TMCC1: variants seen among roughly 807,000 people sequenced by gnomAD.
TMCC1 encodes transmembrane and coiled-coil domain family 1.
TMCC1 carries 15 observed loss-of-function variants against 52.4 expected under a neutral mutation model. That is an observed-to-expected ratio of 0.29 (90% CI 0.19 to 0.44). The LOEUF (loss-of-function observed/expected upper bound fraction) is 0.44, where lower values mean the gene tolerates loss of function less well. TMCC1 is among the 20% of genes least tolerant of loss of function. The pLI, the probability that TMCC1 is intolerant of heterozygous loss-of-function variation, is 1.00. For missense variants in TMCC1, 503 were observed against 806.0 expected, an observed-to-expected ratio of 0.62 and a Z score of 4.55; for synonymous variants, 279 against 301.9, an observed-to-expected ratio of 0.92 and a Z score of 0.79.
chr3:129,683,838 T>C (rs576308732), intron 4 of TMCC1, among the ~76,000 whole-genome samples: 11 of 152,342 alleles, frequency 7.2e-5, no homozygotes, highest in African/African-American at 2.4e-4. Flanking sequence ...CAGCTTATTG[T>C]TCAGACTCCT....
At chr3:129,830,111 C>T (rs1182336636) in intron 3 of TMCC1, among the ~76,000 whole-genome samples, 1 of 152,162 alleles carries the variant, frequency 6.6e-6, no homozygotes, top group Non-Finnish European at 1.5e-5. Context: ...GTTTCATTGC[C>T]TTTCACCCAA....
At chr3:129,680,971 C>T (rs1272986834) in intron 4 of TMCC1, among the ~76,000 whole-genome samples, 2 of 151,746 alleles carry the variant, frequency 1.3e-5, no homozygotes. Context: ...ATCCTTTCTC[C>T]TAAAATTTAT....
At chr3:129,791,398 C>T (rs558227928) in intron 4 of TMCC1, among the ~76,000 whole-genome samples, 24 of 152,070 alleles carry the variant, frequency 1.6e-4, no homozygotes, top group East Asian at 1.4e-3. Flanking sequence ...CGGCCAGACA[C>T]ACCAGAAATT....
rs2050814348 is a variant in TMCC1, at chr3:129,734,802, GTTTGAAAAGCTTGGT to G, written c.577-63553_577-63539del. The stretch of plus-strand genomic sequence containing the variant: ...GTACACAAAAAAATGAAAGTACCAA[GTTTGAAAAGCTTGGT>G]AATTGTGCTTGAGTGTTTGTTGTTA... On this transcript the variant is annotated intron_variant, in intron 4 of 6. Transcript: ENST00000393238. 2.0e-5 allele frequency among the ~76,000 whole-genome samples: 3 copies of G among 152,120 alleles called. No individual in the cohort carries two copies. The South Asian group carries it at 6.2e-4, about 32-fold the overall frequency.
At chr3:129,763,059 G>A (rs1364088924) in intron 4 of TMCC1, among the ~76,000 whole-genome samples, 7 of 151,500 alleles carry the variant, frequency 4.6e-5, no homozygotes, top group African/African-American at 1.7e-4. Context: ...TTAGCCGGGC[G>A]TAGTAGCAGG....
At chr3:129,795,367 T>C (rs1409796372) in intron 4 of TMCC1, among the ~76,000 whole-genome samples, 1 of 152,216 alleles carries the variant, frequency 6.6e-6, no homozygotes, top group Non-Finnish European at 1.5e-5. Flanking sequence ...AACGTTTCAT[T>C]TAATGAAACT....
intron 4 of TMCC1, among the ~76,000 whole-genome samples, chr3:129,733,954 G>A (rs1355253659): frequency 6.6e-6 from 1 of 152,090 alleles, no homozygotes; most frequent in Non-Finnish European, 1.5e-5. Flanking sequence ...ACACACTACT[G>A]ATAGGAATAA....
At chr3:129,766,563 GTTAT>G (rs1486029968) in intron 4 of TMCC1, among the ~76,000 whole-genome samples, 1 of 152,088 alleles carries the variant, frequency 6.6e-6, no homozygotes, top group Non-Finnish European at 1.5e-5. Context: ...AAATCAAATG[GTTAT>G]TTAGATTGTA....
intron 4 of TMCC1, among the ~76,000 whole-genome samples, chr3:129,786,465 A>T (rs1242575861): frequency 6.6e-6 from 1 of 152,162 alleles, no homozygotes; most frequent in Non-Finnish European, 1.5e-5. Context: ...CCTAAGTCAT[A>T]TTCTTGAGAT....
intron 4 of TMCC1, chr3:129,688,841 G>T: frequency 1.5e-6 from 1 of 684,596 alleles, no homozygotes; most frequent in Non-Finnish European, 1.8e-6. Context: ...TGGATTTAAA[G>T]CTACAGGGTA....
At chr3:129,682,095 GAAATTATCTGAC>G (rs919366209) in intron 4 of TMCC1, among the ~76,000 whole-genome samples, 2 of 152,004 alleles carry the variant, frequency 1.3e-5, no homozygotes. Context: ...ATTTTGCACT[GAAATTATCTGAC>G]AAATTATCTG....
intron 4 of TMCC1, among the ~76,000 whole-genome samples, chr3:129,827,311 TCTA>T (rs1179439337): frequency 6.6e-6 from 1 of 152,208 alleles, no homozygotes; most frequent in Non-Finnish European, 1.5e-5. Context: ...ATGTATATGC[TCTA>T]CTGTGGCATG....
intron 4 of TMCC1, among the ~76,000 whole-genome samples, chr3:129,791,161 T>C (rs1250829111): frequency 6.6e-6 from 1 of 150,878 alleles, no homozygotes; most frequent in Non-Finnish European, 1.5e-5. Context: ...TGGTGCAATC[T>C]TGGCTCACTG....
chr3:129,760,489 TG>T, intron 4 of TMCC1, among the ~76,000 whole-genome samples: 1 of 144,254 alleles, frequency 6.9e-6, no homozygotes, highest in African/African-American at 2.9e-5. Flanking sequence ...TGTGTGTGTG[TG>T]TGTGTTTTTG....
chr3:129,775,158 T>C (rs1004354321), intron 4 of TMCC1, among the ~76,000 whole-genome samples: 2 of 151,922 alleles, frequency 1.3e-5, no homozygotes, highest in Admixed American at 6.6e-5. Context: ...AGATAAGAAA[T>C]TGAAGGCTGG....
chr3:129,856,159 A>G (rs1275129627), intron 2 of TMCC1, among the ~76,000 whole-genome samples: 5 of 152,226 alleles, frequency 3.3e-5, no homozygotes, highest in African/African-American at 4.8e-5. Flanking sequence ...AAAGTTTTAA[A>G]AAAATATTAG....
At chr3:129,754,235 G>T (rs1160814457) in intron 4 of TMCC1, among the ~76,000 whole-genome samples, 1 of 152,134 alleles carries the variant, frequency 6.6e-6, no homozygotes, top group Non-Finnish European at 1.5e-5. Flanking sequence ...AACCAAAGAA[G>T]AGTCAAATAA....
intron 4 of TMCC1, among the ~76,000 whole-genome samples, chr3:129,717,855 A>G (rs532933995): frequency 1.3e-5 from 2 of 152,278 alleles, no homozygotes; most frequent in Admixed American, 1.3e-4. Context: ...TAATACTACA[A>G]CCAGAATGAT....
chr3:129,671,434 C>A (rs918751730), intron 4 of TMCC1, among the ~76,000 whole-genome samples, 170 bp from the exon 5 acceptor site: 3 of 152,196 alleles, frequency 2.0e-5, no homozygotes, highest in Admixed American at 2.0e-4. Flanking sequence ...ATACTGCCCT[C>A]ATACAAGTAT....
Sources: allele counts gnomAD v4.1 joint callset (sites outside exome capture counted in the v4.1 genomes callset), GRCh38; gene constraint gnomAD v4.1.1; transcripts MANE v1.5; gene names NCBI Gene and HGNC (gene_info 2026-07-23, HGNC 2026-07-21).